NEK7: variants seen among roughly 807,000 people sequenced by gnomAD.
The protein encoded by NEK7 is NIMA related kinase 7, also known as serine/threonine-protein kinase Nek7.
NEK7 carries 18 observed loss-of-function variants against 44.6 expected under a neutral mutation model. That is an observed-to-expected ratio of 0.40 (90% CI 0.28 to 0.60). The LOEUF (loss-of-function observed/expected upper bound fraction) is 0.60, where lower values mean the gene tolerates loss of function less well. Ranked by LOEUF, NEK7 falls within the 20% of genes least tolerant of loss-of-function variation. The pLI, the probability that NEK7 is intolerant of heterozygous loss-of-function variation, is 0.38. For missense variants in NEK7, 256 were observed against 366.5 expected, an observed-to-expected ratio of 0.70 and a Z score of 2.46; for synonymous variants, 130 against 121.1, an observed-to-expected ratio of 1.07 and a Z score of -0.48.
At chr1:198,157,905 C>T (rs1663963620) in intron 1 of NEK7, among the ~76,000 whole-genome samples, 1 of 152,024 alleles carries the variant, frequency 6.6e-6, no homozygotes, top group Non-Finnish European at 1.5e-5. Context: ...GTGATGGTGG[C>T]AATGGAAAAG....
At chr1:198,196,095 C>T (rs969370250) in intron 1 of NEK7, among the ~76,000 whole-genome samples, 1 of 152,092 alleles carries the variant, frequency 6.6e-6, no homozygotes, top group East Asian at 1.9e-4. Flanking sequence ...GAGTCAGACT[C>T]TTATCCATTA....
intron 3 of NEK7, chr1:198,256,399 G>C (rs765805779): frequency 1.2e-6 from 2 of 1,612,028 alleles, no homozygotes; most frequent in Non-Finnish European, 1.7e-6. Context: ...AAATCATAAA[G>C]GGATCTGAGA....
intron 1 of NEK7, chr1:198,207,211 A>C (rs910289798): frequency 2.0e-5 from 3 of 152,158 alleles, no homozygotes; most frequent in Non-Finnish European, 2.9e-5. Context: ...AACATCGCCG[A>C]GACCACAAAG....
intron 5 of NEK7, among the ~76,000 whole-genome samples, chr1:198,277,283 G>T (rs1467601298): frequency 1.3e-5 from 2 of 151,664 alleles, no homozygotes; most frequent in Non-Finnish European, 3.0e-5. Context: ...AGTACCTCTG[G>T]TTTTACAATT....
chr1:198,223,907 G>T (rs1666140469), intron 1 of NEK7, among the ~76,000 whole-genome samples: 2 of 152,054 alleles, frequency 1.3e-5, no homozygotes, highest in Admixed American at 6.6e-5. Context: ...GATGACCAAT[G>T]TAAAAATCTT....
intron 1 of NEK7, among the ~76,000 whole-genome samples, chr1:198,220,269 A>G (rs1207122641): frequency 6.6e-6 from 1 of 152,016 alleles, no homozygotes; most frequent in Non-Finnish European, 1.5e-5. Flanking sequence ...TTCTTTGAAT[A>G]CTACCTTGTC....
chr1:198,164,822 C>A (rs1029772644), intron 1 of NEK7, among the ~76,000 whole-genome samples: 8 of 152,146 alleles, frequency 5.3e-5, no homozygotes, highest in African/African-American at 1.9e-4. Flanking sequence ...CTCTTTCTTT[C>A]ATGAAAAATT....
intron 9 of NEK7, among the ~76,000 whole-genome samples, chr1:198,316,926 C>T (rs768894471): frequency 3.9e-5 from 6 of 152,186 alleles, no homozygotes; most frequent in Non-Finnish European, 7.3e-5. Context: ...TTGTCTTATC[C>T]GGTGCCATCA....
intron 2 of NEK7, among the ~76,000 whole-genome samples, 177 bp from the exon 3 acceptor site, chr1:198,252,863 G>C (rs1186846588): frequency 6.6e-6 from 1 of 151,852 alleles, no homozygotes; most frequent in African/African-American, 2.4e-5. Flanking sequence ...GTCTGCTACT[G>C]TATCGTCAGT....
At chr1:198,209,655 TTCTC>T (rs1182488824) in intron 1 of NEK7, among the ~76,000 whole-genome samples, 1 of 151,778 alleles carries the variant, frequency 6.6e-6, no homozygotes, top group South Asian at 2.1e-4. Context: ...TTCTTTTACT[TTCTC>T]TCTCTCTCTC....
At chr1:198,248,309 T>C (rs986650918) in intron 2 of NEK7, among the ~76,000 whole-genome samples, 5 of 152,220 alleles carry the variant, frequency 3.3e-5, no homozygotes, top group African/African-American at 4.8e-5. Flanking sequence ...CTGTAGTAGA[T>C]GTTCAGGTAG....
rs1029042927 is a variant in NEK7, at chr1:198,249,865, G to T, written c.58-3175G>T. Among the ~76,000 whole-genome samples, 19 of 144,648 alleles carry T rather than the reference G, an allele frequency of 1.3e-4. 1 individual carries two copies. The highest frequency in any genetic ancestry group is 2.6e-4 in the Non-Finnish European group (17 of 66,564). 94.9% of individuals were successfully genotyped at this position (144,648 alleles called of 152,430 possible). ...CTGTTCACTGATGGTAGTTTCTTTT[G>T]CTGTGCTCTTTAGTTTAATTAGATC... On this transcript the variant is annotated intron_variant, in intron 2 of 9. Coordinates refer to ENST00000367385, the MANE Select transcript of NEK7 (RefSeq NM_133494.3).
chr1:198,283,220 T>C (rs759695954), intron 7 of NEK7, among the ~76,000 whole-genome samples: 4 of 152,142 alleles, frequency 2.6e-5, no homozygotes, highest in South Asian at 2.1e-4. Flanking sequence ...TTAAATATAA[T>C]GAGAGCGATG....
chr1:198,239,469 T>C (rs1479078141), intron 2 of NEK7, among the ~76,000 whole-genome samples: 1 of 152,142 alleles, frequency 6.6e-6, no homozygotes, highest in Non-Finnish European at 1.5e-5. Context: ...CATTACAATA[T>C]ATATTGCCTA....
At chr1:198,225,719 G>A (rs574534956) in intron 1 of NEK7, among the ~76,000 whole-genome samples, 3 of 152,226 alleles carry the variant, frequency 2.0e-5, no homozygotes, top group African/African-American at 7.2e-5. Context: ...AAAGTGGTGT[G>A]TACTATACTT....
intron 9 of NEK7, among the ~76,000 whole-genome samples, chr1:198,302,231 A>G (rs957424980): frequency 1.3e-5 from 2 of 152,236 alleles, no homozygotes; most frequent in African/African-American, 4.8e-5. Context: ...GTCACATTCA[A>G]TCAAATAACT....
intron 9 of NEK7, among the ~76,000 whole-genome samples, chr1:198,307,716 G>T (rs1018007037): frequency 6.6e-6 from 1 of 152,068 alleles, no homozygotes; most frequent in Admixed American, 6.6e-5. Flanking sequence ...AATAAACTAT[G>T]TTACTTTCTC....
intron 3 of NEK7, 79 bp from the exon 4 acceptor site, chr1:198,262,496 A>G: frequency 1.2e-6 from 1 of 852,130 alleles, no homozygotes; most frequent in Non-Finnish European, 1.9e-6. Flanking sequence ...AATTACATGT[A>G]GAGTATTAAA....
chr1:198,273,355 A>C (rs1410893306), intron 5 of NEK7, among the ~76,000 whole-genome samples: 3 of 151,798 alleles, frequency 2.0e-5, no homozygotes, highest in Non-Finnish European at 4.4e-5. Context: ...TCCCACAATT[A>C]TGTATAGCAA....
Sources: gnomAD v4.1 joint callset for allele counts (sites outside exome capture counted in the v4.1 genomes callset) on GRCh38, gnomAD v4.1.1 for gene constraint, MANE v1.5 for transcripts, NCBI Gene and HGNC (gene_info 2026-07-23, HGNC 2026-07-21) for gene names.